POLR1C: variants seen among roughly 807,000 people sequenced by gnomAD.
POLR1C encodes the protein DNA-directed RNA polymerases I and III subunit RPAC1.
POLR1C carries 42 observed loss-of-function variants against 38.3 expected under a neutral mutation model. The ratio of observed to expected loss-of-function variants is 1.10; its 90% CI spans 0.86 to 1.42. The LOEUF is 1.42. Among genes scored for constraint, POLR1C ranks in the 40% most tolerant of loss-of-function variants. The pLI is 0.00. For missense variants in POLR1C, 507 were observed against 450.5 expected (o/e 1.13, Z -1.14); for synonymous variants, 163 against 163.9 (o/e 0.99, Z 0.04).
chr6:43,561,122 G>GA lies in POLR1C; in HGVS notation c.*49-277dup, dbSNP rs1163964093. On this transcript the variant is annotated intron_variant, in intron 10 of 10. Transcript: ENST00000607635. ...CCCTCAAAAAATGTTGTTTCAAAAG[G>GA]ACTTTGTATTTCCTTTTGGCTAAAG... is the stretch of plus-strand genomic sequence containing the variant. 61 of 860,262 alleles carry GA rather than the reference G, an allele frequency of 7.1e-5. No homozygotes were observed. The East Asian group carries it at 1.4e-3, about 20-fold the overall frequency. 53.3% of individuals were successfully genotyped at this position (860,262 alleles called of 1,614,324 possible).
At chr6:43,521,538 G>GT (rs2127692614), downstream of POLR1C, 3 of 1,163,176 alleles carry the variant, frequency 2.6e-6, no homozygotes, top group East Asian at 8.9e-5. Flanking sequence ...TTTTGAGTTT[G>GT]TTTTTTGAGA....
At chr6:43,531,420 C>T (rs1200257170), downstream of POLR1C, 7 of 1,502,624 alleles carry the variant, frequency 4.7e-6, no homozygotes, top group African/African-American at 5.5e-5. Flanking sequence ...AACCCATGGA[C>T]ATTCCTATAC....
chr6:43,550,241 A>G lies in POLR1C; in HGVS notation c.*5-727A>G, dbSNP rs374679158. ...TCTCTCTTCTTTTATCAAAAGTTGT[A>G]TGGTCTATCCCTTCTATTCCATTTC... On this transcript the variant is annotated intron_variant, in intron 9 of 10. Transcript: ENST00000607635. Among the ~76,000 whole-genome samples the G allele has an allele frequency of 1.1e-4, 16 of 152,280 alleles. No individual in the cohort carries two copies. In the East Asian group the frequency reaches 3.1e-3, roughly 29 times the overall value.
chr6:43,525,309 T>C (rs1054354184), downstream of POLR1C: 67 of 1,153,308 alleles, frequency 5.8e-5, no homozygotes, highest in Admixed American at 6.7e-4. Flanking sequence ...TTTTTTTTTT[T>C]CCTCCCCCCC....
At chr6:43,527,680 C>T (rs1201280168) in intron 8 of POLR1C, 2 of 1,613,992 alleles carry the variant, frequency 1.2e-6, no homozygotes, top group Non-Finnish European at 1.7e-6. Flanking sequence ...CCAGTTGCTC[C>T]TCCAGCATCT....
chr6:43,536,758 T>TAAAAAAAAAAAAAA (rs1156884252), intron 9 of POLR1C, among the ~76,000 whole-genome samples: 5 of 19,100 alleles, frequency 2.6e-4, no homozygotes, highest in Admixed American at 8.9e-4. Context: ...AGACTCTATC[T>TAAAAAAAAAAAAAA]AAAAAAAAAA....
chr6:43,549,431 G>C, intron 9 of POLR1C: 2 of 1,506,288 alleles, frequency 1.3e-6, no homozygotes, highest in Non-Finnish European at 1.8e-6. Flanking sequence ...ACTGAAAGCT[G>C]GATTTACACA....
In POLR1C at chr6:43,555,623, T is replaced by C. The variant is rs1490607861; in HGVS notation, c.*48+4612T>C. The C allele has an allele frequency of 1.6e-5, 7 of 428,634 alleles. No homozygotes were observed. The East Asian group carries it at 2.7e-4, about 17-fold the overall frequency. 26.6% of individuals were successfully genotyped at this position (428,634 alleles called of 1,614,324 possible). The stretch of plus-strand genomic sequence containing the variant: ...AATGATGGCAAAACTGATAAGGACA[T>C]GGTTTTACCCTAATTTAAAACAAAT... On this transcript the variant is annotated intron_variant, in intron 10 of 10. Coordinates refer to the POLR1C transcript ENST00000607635.
intron 9 of POLR1C, among the ~76,000 whole-genome samples, chr6:43,536,758 TAAAAAAAAA>T (rs1156884252): frequency 6.3e-4 from 12 of 19,084 alleles, no homozygotes; most frequent in African/African-American, 2.9e-3. Flanking sequence ...AGACTCTATC[TAAAAAAAAA>T]AAAAAAAAAA....
intron 9 of POLR1C, chr6:43,549,745 T>C: frequency 9.0e-7 from 1 of 1,115,980 alleles, no homozygotes; most frequent in East Asian, 2.6e-5. Flanking sequence ...ATGTTTCTTG[T>C]ATGCCCTATA....
chr6:43,559,662 A>C (rs900417403), intron 10 of POLR1C, among the ~76,000 whole-genome samples: 1 of 152,214 alleles, frequency 6.6e-6, no homozygotes, highest in Non-Finnish European at 1.5e-5. Flanking sequence ...TTGCCCTAGC[A>C]CCTAGCCCAA....
intron 10 of POLR1C, among the ~76,000 whole-genome samples, chr6:43,554,718 T>C (rs1324193343): frequency 6.6e-6 from 1 of 152,112 alleles, no homozygotes; most frequent in Non-Finnish European, 1.5e-5. Flanking sequence ...CCACCCTGCC[T>C]GGCCTAAGAT....
chr6:43,522,364 A>G (rs1480738583), downstream of POLR1C: 2 of 154,610 alleles, frequency 1.3e-5, no homozygotes, highest in East Asian at 1.9e-4. Context: ...TTTTACTGAC[A>G]TGCAGATGTG....
chr6:43,557,154 T>C (rs572619817), intron 10 of POLR1C, among the ~76,000 whole-genome samples: 253 of 120,022 alleles, frequency 2.1e-3, no homozygotes, highest in Non-Finnish European at 3.1e-3. Context: ...AGGCTGGGTG[T>C]GGTGGCTTAC....
intron 9 of POLR1C, chr6:43,538,816 A>G: frequency 2.9e-6 from 3 of 1,019,916 alleles, no homozygotes; most frequent in Non-Finnish European, 4.2e-6. Context: ...TTCTTGTATA[A>G]AAACCCTATG....
At chr6:43,521,941 C>T (rs1793214933), downstream of POLR1C, among the ~76,000 whole-genome samples, 1 of 152,196 alleles carries the variant, frequency 6.6e-6, no homozygotes, top group Non-Finnish European at 1.5e-5. Flanking sequence ...AGAAAGAACA[C>T]CTCCTGAGAA....
chr6:43,542,852 A>T (rs1216460762), intron 9 of POLR1C, among the ~76,000 whole-genome samples: 1 of 152,212 alleles, frequency 6.6e-6, no homozygotes, highest in Non-Finnish European at 1.5e-5. Context: ...TAAGCTAGGA[A>T]TTCTACTCCT....
At chr6:43,543,628 GC>G (rs1794813801) in intron 9 of POLR1C, among the ~76,000 whole-genome samples, 1 of 151,932 alleles carries the variant, frequency 6.6e-6, no homozygotes, top group South Asian at 2.1e-4. Flanking sequence ...CACAAGTTAA[GC>G]CCTTTTCTAC....
chr6:43,526,790 T>C (rs1793622092), intron 8 of POLR1C: 2 of 1,599,072 alleles, frequency 1.3e-6, no homozygotes, highest in Non-Finnish European at 1.7e-6. Context: ...GGTGGGTATA[T>C]ACTACCACAA....
Sources: gnomAD v4.1 joint callset for allele counts (sites outside exome capture counted in the v4.1 genomes callset) on GRCh38, gnomAD v4.1.1 for gene constraint, MANE v1.5 for transcripts, NCBI Gene and HGNC (gene_info 2026-07-23, HGNC 2026-07-21) for gene names.